The following WASHC5 variants were observed in gnomAD, a reference collection of about 807,000 sequenced individuals.
WASHC5 encodes the protein WASH complex subunit 5, also known as WASH complex subunit strumpellin.
WASHC5 carries 101 observed loss-of-function variants against 150.4 expected under a neutral mutation model. That is an observed-to-expected ratio of 0.67 (90% confidence interval 0.57 to 0.79). The LOEUF is 0.79. Among genes scored for constraint, WASHC5 ranks in the 30% least tolerant of loss-of-function variants. The probability of loss-of-function intolerance (pLI) is 0.00; values close to 1 mark genes in which losing one functional copy is unlikely to be tolerated. For synonymous variants in WASHC5, 467 were observed against 491.2 expected, an observed-to-expected ratio of 0.95 and a Z score of 0.65; for missense variants, 1,195 against 1,396.3, an observed-to-expected ratio of 0.86 and a Z score of 2.30.
chr8:125,045,050 C>A, intron 20 of WASHC5: 1 of 263,856 alleles, frequency 3.8e-6, no homozygotes, highest in Non-Finnish European at 7.4e-6. Context: ...ATGCAGCCTT[C>A]CTTTAAATTT....
In WASHC5 at chr8:125,075,041, GT is replaced by G. The variant is rs751317214; in HGVS notation, c.934del (p.Thr312LeufsTer3). ...AAGGTCCAGGGTATTATTTAAAGCAGTTTTTGCAGCTTTGTAAGGTTCCCAA... is the reference window on the plus strand; with the variant it reads ...AAGGTCCAGGGTATTATTTAAAGCAGTTTTGCAGCTTTGTAAGGTTCCCAA... ...DAWEPYKAAK[T>X]ALNNTLDLSN... is the part of the protein sequence containing the mutation. On this transcript the variant is annotated frameshift_variant, in exon 8 of 29. Transcript: ENST00000318410. LOFTEE classifies it high-confidence loss of function. 2 of 1,612,988 alleles carry G rather than the reference GT, an allele frequency of 1.2e-6. No individual in the cohort carries two copies. The highest frequency in any genetic ancestry group is 1.7e-6 in the Non-Finnish European group (2 of 1,179,144).
At position 125,032,375 on chromosome 8, in the gene WASHC5, C is replaced by A. The variant is rs754759068; in HGVS notation, c.3201G>T (p.Pro1067=). 2 of 1,613,976 alleles carry A rather than the reference C, an allele frequency of 1.2e-6. No homozygotes were observed. Among genetic ancestry groups the A allele is most frequent in the South Asian group, 1.1e-5 (1 of 91,044 alleles). ...NKNLGMVCRK[P]TDPVDWPPLV... ...GTGGTGGCCAATCAACCGGGTCGGTCGGTTTTCGGCAGACCATTCCTGCAA... is the reference window on the plus strand; with the variant it reads ...GTGGTGGCCAATCAACCGGGTCGGTAGGTTTTCGGCAGACCATTCCTGCAA... Residue 1067 remains proline, a synonymous_variant, in exon 27 of 29, where the codon CCG becomes CCT. Transcript: ENST00000318410.
chr8:125,052,105 T>C (rs948302527), intron 17 of WASHC5, among the ~76,000 whole-genome samples: 1 of 152,216 alleles, frequency 6.6e-6, no homozygotes, highest in Non-Finnish European at 1.5e-5. Context: ...AATAACCTAA[T>C]AGGCTACATC....
chr8:125,048,325 A>G (rs1283147322), intron 19 of WASHC5, among the ~76,000 whole-genome samples: 2 of 152,194 alleles, frequency 1.3e-5, no homozygotes, highest in Non-Finnish European at 2.9e-5. Flanking sequence ...ACTAAAATCA[A>G]ACTTCTCAAT....
At position 125,076,379 on chromosome 8, in the gene WASHC5, T is replaced by G. The variant is rs200208154; in HGVS notation, c.833A>C (p.Glu278Ala). Reference sequence around the variant, plus strand: ...ATCTGGAAAGTATTTATCCACTATCTCTCTCATTTTTGCTTGATGGGTGTG... The same window carrying G: ...ATCTGGAAAGTATTTATCCACTATCGCTCTCATTTTTGCTTGATGGGTGTG... Reference protein sequence around the residue: ...ILHTHQAKMREIVDKYFPDNW... With the variant: ...ILHTHQAKMRAIVDKYFPDNW... The change falls in exon 7 of 29, where the codon GAG (glutamate) becomes GCG (alanine). Residue 278 changes from glutamate to alanine, a missense_variant. This residue lies in a region of WASHC5 where 997 missense variants were observed against 1,168.1 expected (regional missense o/e 0.85). Transcript: ENST00000318410. 3 of 1,613,966 alleles carry G rather than the reference T, an allele frequency of 1.9e-6. No individual in the cohort carries two copies. Among genetic ancestry groups the G allele is most frequent in the Non-Finnish European group, 2.5e-6 (3 of 1,179,926 alleles).
chr8:125,032,313 T>C lies in WASHC5; in HGVS notation c.3263A>G (p.His1088Arg). Reference protein sequence around the residue: ...LGLLTLLKQFHSRYTEQFLAL... With the variant: ...LGLLTLLKQFRSRYTEQFLAL... ...CAGGAACTGCTCGGTGTACCGGGAATGGAACTGCTTCAGCAGAGTGAGCAG... is the reference window on the plus strand; with the variant it reads ...CAGGAACTGCTCGGTGTACCGGGAACGGAACTGCTTCAGCAGAGTGAGCAG... Residue 1088 changes from histidine (H) to arginine (R), a missense_variant, in exon 27 of 29, where the codon CAT becomes CGT. This residue lies in a region of WASHC5 where 997 missense variants were observed against 1,168.1 expected (regional missense o/e 0.85). Coordinates refer to ENST00000318410, the MANE Select transcript of WASHC5 (RefSeq NM_014846.4). 4.3e-6 allele frequency: 7 copies of C among 1,614,184 alleles called. No individual in the cohort carries two copies. In the Middle Eastern group the frequency reaches 6.6e-4, roughly 152 times the overall value.
intron 14 of WASHC5, 69 bp downstream of exon 14, chr8:125,059,153 T>C (rs1032786822): frequency 4.5e-6 from 5 of 1,099,462 alleles, no homozygotes; most frequent in Non-Finnish European, 5.6e-6. Flanking sequence ...TGGGCTGAAT[T>C]AATGAATGAG....
At chr8:125,068,466 C>T (rs558550322) in intron 9 of WASHC5, among the ~76,000 whole-genome samples, 3 of 152,236 alleles carry the variant, frequency 2.0e-5, no homozygotes, top group African/African-American at 4.8e-5. Context: ...AGAGGATGCT[C>T]GGAAGCTTGT....
intron 28 of WASHC5, among the ~76,000 whole-genome samples, chr8:125,024,893 G>C (rs1815332063): frequency 6.6e-6 from 1 of 151,936 alleles, no homozygotes; most frequent in East Asian, 1.9e-4. Context: ...ATGCAGTACA[G>C]CTCTCCCGCC....
At chr8:125,037,037 A>G (rs986915772) in intron 26 of WASHC5, among the ~76,000 whole-genome samples, 200 bp downstream of exon 26, 1 of 152,140 alleles carries the variant, frequency 6.6e-6, no homozygotes, top group South Asian at 2.1e-4. Context: ...TAAATAAATA[A>G]AAATAAGAAT....
chr8:125,074,921 G>A, intron 8 of WASHC5, 77 bp downstream of exon 8: 1 of 874,070 alleles, frequency 1.1e-6, no homozygotes, highest in Non-Finnish European at 2.0e-6. Context: ...AATTCCTTGG[G>A]AAATCTACTT....
At chr8:125,047,846 G>A (rs1265059778) in intron 19 of WASHC5, among the ~76,000 whole-genome samples, 1 of 151,532 alleles carries the variant, frequency 6.6e-6, no homozygotes, top group African/African-American at 2.4e-5. Context: ...CACTGTGCCT[G>A]GCTTGGTTTT....
At chr8:125,057,818 A>G in intron 14 of WASHC5, 152 bp from the exon 15 acceptor site, 3 of 638,458 alleles carry the variant, frequency 4.7e-6, no homozygotes, top group Non-Finnish European at 8.2e-6. Context: ...GAAAAACCCA[A>G]GTTAACTGTG....
intron 23 of WASHC5, among the ~76,000 whole-genome samples, chr8:125,043,224 G>A (rs998915288): frequency 2.6e-5 from 4 of 152,202 alleles, no homozygotes; most frequent in African/African-American, 4.8e-5. Flanking sequence ...AAGAAGACTC[G>A]CAGAAGATGC....
chr8:125,067,882 G>C (rs542337963), intron 9 of WASHC5, among the ~76,000 whole-genome samples, 163 bp from the exon 10 acceptor site: 3 of 152,302 alleles, frequency 2.0e-5, no homozygotes, highest in African/African-American at 7.2e-5. Context: ...ATGCCATGGA[G>C]TACAATTAAA....
intron 10 of WASHC5, among the ~76,000 whole-genome samples, chr8:125,064,296 G>C (rs1305766543): frequency 6.6e-6 from 1 of 152,014 alleles, no homozygotes; most frequent in Non-Finnish European, 1.5e-5. Flanking sequence ...TTGAACTCCT[G>C]GGTTCAAGTG....
At chr8:125,036,191 G>A (rs1027377736) in intron 26 of WASHC5, among the ~76,000 whole-genome samples, 6 of 152,094 alleles carry the variant, frequency 3.9e-5, no homozygotes, top group African/African-American at 1.4e-4. Context: ...TTCCCATCAT[G>A]GTTCCAGATA....
rs1401654859 is a variant in WASHC5 at position 125,083,963 on chromosome 8, G to A, written c.-65C>T. 4.1e-6 allele frequency: 6 copies of A among 1,453,024 alleles called. No individual in the cohort carries two copies. The highest frequency in any genetic ancestry group is 5.7e-6 in the Non-Finnish European group (6 of 1,045,816). The allele number at this position is 1,453,024 out of a possible 1,614,324, so 90.0% of individuals were successfully genotyped here. A position where few individuals can be genotyped will look rare whatever the true frequency, so the allele number is the denominator to read the frequency against. On this transcript the variant is annotated 5_prime_UTR_variant, in exon 2 of 29. Coordinates refer to ENST00000318410, the MANE Select transcript of WASHC5 (RefSeq NM_014846.4). ...ATGATTAACTGGCCTCAGAGCTGGT[G>A]TCTGTATATTATTAGATGAAACCAG...
intron 10 of WASHC5, 36 bp downstream of exon 10, chr8:125,067,556 C>G: frequency 6.4e-7 from 1 of 1,559,586 alleles, no homozygotes; most frequent in Non-Finnish European, 8.8e-7. Flanking sequence ...CATAAAAAAG[C>G]TAAGACTGTG....
Sources: allele counts gnomAD v4.1 joint callset (sites outside exome capture counted in the v4.1 genomes callset), GRCh38; gene constraint gnomAD v4.1.1; regional missense constraint gnomAD v4.1.1; transcripts MANE v1.5; gene names NCBI Gene and HGNC (gene_info 2026-07-23, HGNC 2026-07-21).